The following PCDHGB4 variants were observed in gnomAD, a reference collection of about 807,000 sequenced individuals.
PCDHGB4 encodes the protein protocadherin gamma subfamily B, 4, also known as protocadherin gamma-B4.
Under a neutral mutation model 60.5 loss-of-function variants are expected in PCDHGB4, and 38 were observed. That is an observed-to-expected ratio of 0.63 (90% CI 0.48 to 0.82). The LOEUF is 0.82. Ranked by LOEUF, PCDHGB4 falls within the 40% of genes least tolerant of loss-of-function variation. The pLI is 0.00. For missense variants in PCDHGB4, 1,109 were observed against 1,209.6 expected, an observed-to-expected ratio of 0.92 and a Z score of 1.23; for synonymous variants, 456 against 509.7, an observed-to-expected ratio of 0.89 and a Z score of 1.42.
At chr5:141,492,755 C>T (rs938918009) in intron 1 of PCDHGB4, among the ~76,000 whole-genome samples, 3 of 152,262 alleles carry the variant, frequency 2.0e-5, no homozygotes, top group African/African-American at 7.2e-5. Flanking sequence ...CGCGGCAGGG[C>T]TCCGCGTTGG....
At position 141,511,248 on chromosome 5, in the gene PCDHGB4, C is replaced by T; in HGVS notation, c.*75C>T. ...AGCTTCTCCTTACCTGCACCCAGGC[C>T]TCAGAGTTTCAGGGCTAACCCCCAG... On this transcript the variant is annotated 3_prime_UTR_variant, in exon 4 of 4. Transcript: ENST00000519479. 6.4e-7 allele frequency: 1 copy of T among 1,574,736 alleles called. No homozygotes were observed. The highest frequency in any genetic ancestry group is 8.6e-7 in the Non-Finnish European group (1 of 1,160,336).
Position 141,511,381 on chromosome 5 carries a change from G to C in PCDHGB4, c.*208G>C. 8.5e-7 allele frequency: 1 copy of C among 1,170,380 alleles called. No individual in the cohort carries two copies. Among genetic ancestry groups the C allele is most frequent in the Non-Finnish European group, 1.2e-6 (1 of 854,768 alleles). 72.5% of individuals were successfully genotyped at this position (1,170,380 alleles called of 1,614,324 possible). On this transcript the variant is annotated 3_prime_UTR_variant, in exon 4 of 4. Coordinates refer to ENST00000519479, the MANE Select transcript of PCDHGB4 (RefSeq NM_003736.4). The stretch of plus-strand genomic sequence containing the variant: ...GGGTTGAATATGCAAAAGCAGTTCC[G>C]CTGGGAACCCCCATCCAATCAACTG...
chr5:141,413,904 G>T (rs1230344912), intron 1 of PCDHGB4: 3 of 1,613,160 alleles, frequency 1.9e-6, no homozygotes, highest in East Asian at 2.2e-5. Context: ...ATGACAACGC[G>T]CCGGTCTTCA....
chr5:141,395,264 A>C (rs2093207486), intron 1 of PCDHGB4: 1 of 1,549,832 alleles, frequency 6.5e-7, no homozygotes, highest in Non-Finnish European at 8.7e-7. Context: ...GCTTGCTTTT[A>C]ATTTCCAGAT....
At chr5:141,408,211 G>C in intron 1 of PCDHGB4, 1 of 1,554,426 alleles carries the variant, frequency 6.4e-7, no homozygotes, top group Non-Finnish European at 8.7e-7. Context: ...CGATGGGAGG[G>C]AGCTGCGCGC....
At chr5:141,504,384 C>G (rs2099837898) in intron 2 of PCDHGB4, among the ~76,000 whole-genome samples, 1 of 152,026 alleles carries the variant, frequency 6.6e-6, no homozygotes, top group South Asian at 2.1e-4. Flanking sequence ...GAGTCGCTGC[C>G]TCACAGAAGC....
intron 1 of PCDHGB4, chr5:141,393,842 T>A (rs1010461527): frequency 1.2e-6 from 2 of 1,613,830 alleles, no homozygotes; most frequent in African/African-American, 2.7e-5. Flanking sequence ...TAAATGACAA[T>A]AGACCAGAAG....
At chr5:141,492,240 C>T (rs1031016944) in intron 1 of PCDHGB4, among the ~76,000 whole-genome samples, 1 of 152,242 alleles carries the variant, frequency 6.6e-6, no homozygotes, top group African/African-American at 2.4e-5. Flanking sequence ...CTGCTGGCCA[C>T]CCCCACGGCC....
At chr5:141,419,187 C>G (rs1179461161) in intron 1 of PCDHGB4, 4 of 1,614,024 alleles carry the variant, frequency 2.5e-6, no homozygotes, top group Non-Finnish European at 2.5e-6. Context: ...CTGCACATTA[C>G]TGACGTCAAT....
At chr5:141,406,011 G>A (rs1380278745) in intron 1 of PCDHGB4, among the ~76,000 whole-genome samples, 7 of 151,702 alleles carry the variant, frequency 4.6e-5, no homozygotes, top group African/African-American at 1.7e-4. Context: ...CATTGATGTG[G>A]GCTTTTTGGG....
chr5:141,398,189 T>G (rs926901002), intron 1 of PCDHGB4: 3 of 1,482,238 alleles, frequency 2.0e-6, no homozygotes, highest in Middle Eastern at 2.3e-4. Context: ...TTTCTCTTCC[T>G]GCTGTCTTTG....
chr5:141,477,671 G>A lies in PCDHGB4; in HGVS notation c.2398-17136G>A, dbSNP rs1022028453. The A allele has an allele frequency of 1.2e-6, 2 of 1,614,198 alleles. No individual in the cohort carries two copies. Among genetic ancestry groups the A allele is most frequent in the Non-Finnish European group, 1.7e-6 (2 of 1,180,048 alleles). Reference sequence around the variant, plus strand: ...CACAATAAATCGTGACAATGGCATAGTGTCATCCTTAGTGCCCCTAGACTA... The same window carrying A: ...CACAATAAATCGTGACAATGGCATAATGTCATCCTTAGTGCCCCTAGACTA... On this transcript the variant is annotated intron_variant, in intron 1 of 3. Coordinates refer to ENST00000519479, the MANE Select transcript of PCDHGB4 (RefSeq NM_003736.4). This position sits in a 1 kb window ranked among gnomAD's most constrained non-coding sequence, Gnocchi z 4.9.
At chr5:141,510,304 A>G (rs1030803209) in intron 3 of PCDHGB4, among the ~76,000 whole-genome samples, 1 of 151,732 alleles carries the variant, frequency 6.6e-6, no homozygotes, top group Non-Finnish European at 1.5e-5. Context: ...CTGTTTTGAA[A>G]TGGAGGCTTG....
intron 1 of PCDHGB4, among the ~76,000 whole-genome samples, chr5:141,420,626 C>T (rs1192244062): frequency 6.6e-6 from 1 of 152,152 alleles, no homozygotes; most frequent in Non-Finnish European, 1.5e-5. Flanking sequence ...TTCATTTACT[C>T]AATAAAGGAA....
In PCDHGB4 at chr5:141,448,129, C is replaced by A. The variant is rs116387986; in HGVS notation, c.2398-46678C>A. On this transcript the variant is annotated intron_variant, in intron 1 of 3. Coordinates refer to ENST00000519479, the MANE Select transcript of PCDHGB4 (RefSeq NM_003736.4). Reference sequence around the variant, plus strand: ...AGAAAAGAAAATTAGCCTCCCCCACCCTCACTATACCTCAGACTCACCCCT... The same window carrying A: ...AGAAAAGAAAATTAGCCTCCCCCACACTCACTATACCTCAGACTCACCCCT... 4.4e-3 allele frequency among the ~76,000 whole-genome samples: 671 copies of A among 152,002 alleles called. 4 individuals carry two copies. Among genetic ancestry groups the A allele is most frequent in the African/African-American group, 0.015 (612 of 41,466 alleles).
intron 1 of PCDHGB4, chr5:141,394,337 C>T (rs2092979975): frequency 7.4e-6 from 12 of 1,614,148 alleles, no homozygotes; most frequent in Non-Finnish European, 1.0e-5. Flanking sequence ...TCTCCATCAA[C>T]TCTGACACCG....
intron 1 of PCDHGB4, chr5:141,399,616 C>G (rs777443975): frequency 6.2e-7 from 1 of 1,613,962 alleles, no homozygotes. Flanking sequence ...GCCTCTGGCA[C>G]TGGCCTCTTA....
intron 1 of PCDHGB4, chr5:141,415,045 G>C: frequency 6.2e-7 from 1 of 1,613,538 alleles, no homozygotes; most frequent in Non-Finnish European, 8.5e-7. Flanking sequence ...CTTCGCGGTG[G>C]GGGAGCACAC....
chr5:141,413,283 C>G (rs377443382), intron 1 of PCDHGB4: 1 of 1,613,966 alleles, frequency 6.2e-7, no homozygotes, highest in Admixed American at 1.7e-5. Context: ...GGCAGATCTC[C>G]TACTCAATTC....
Sources: gnomAD v4.1 joint callset for allele counts (sites outside exome capture counted in the v4.1 genomes callset) on GRCh38, gnomAD v4.1.1 for gene constraint, Gnocchi (gnomAD v3.1) non-coding constraint, MANE v1.5 for transcripts, NCBI Gene and HGNC (gene_info 2026-07-23, HGNC 2026-07-21) for gene names.